Variants in SCNN1B observed in about 807,000 individuals in gnomAD.
The protein encoded by SCNN1B is sodium channel epithelial 1 subunit beta, also known as epithelial sodium channel subunit beta.
A neutral mutation model predicts 65.3 loss-of-function variants in SCNN1B; 46 were observed. The observed-to-expected ratio is 0.70, with a 90% CI of 0.56 to 0.90. SCNN1B has a LOEUF of 0.90. Ranked by LOEUF, SCNN1B falls within the 40% of genes least tolerant of loss-of-function variation. The pLI is 0.00. For synonymous variants in SCNN1B, 349 were observed against 330.6 expected (o/e 1.06, Z -0.60); for missense variants, 751 against 830.5 (o/e 0.90, Z 1.18).
In SCNN1B at chr16:23,367,931, T is replaced by G. The variant is rs781412418; in HGVS notation, c.852T>G (p.Leu284=). Residue 284 remains leucine (L), a synonymous_variant, in exon 5 of 13, where the codon CTT becomes CTG. Transcript: ENST00000343070. ...ACTGGGGCATGACAGAGAAGGCACT[T>G]CCTTCGGCCAACCCTGGAACTGAAT... ...IFNWGMTEKA[L]PSANPGTEFG... is the part of the protein sequence containing the mutation. The G allele has an allele frequency of 2.5e-6, 4 of 1,614,166 alleles. No individual in the cohort carries two copies. The highest frequency in any genetic ancestry group is 3.4e-6 in the Non-Finnish European group (4 of 1,179,964).
chr16:23,329,796 C>T (rs1353695359), intron 1 of SCNN1B, among the ~76,000 whole-genome samples: 2 of 152,092 alleles, frequency 1.3e-5, no homozygotes, highest in African/African-American at 4.8e-5. Context: ...TCTAACCAGG[C>T]GATAGAAGGC....
At chr16:23,305,577 T>TTTA (rs1961196677) in intron 1 of SCNN1B, among the ~76,000 whole-genome samples, 3 of 23,670 alleles carry the variant, frequency 1.3e-4, no homozygotes, top group Non-Finnish European at 6.8e-5. Context: ...TATATATATA[T>TTTA]TATATATATA....
intron 1 of SCNN1B, among the ~76,000 whole-genome samples, chr16:23,323,201 T>TA (rs889813713): frequency 0.026 from 3,538 of 134,128 alleles, 80 homozygotes; most frequent in African/African-American, 0.068. Context: ...TCCATCTCAA[T>TA]AAAAAAAAAA....
intron 2 of SCNN1B, among the ~76,000 whole-genome samples, chr16:23,295,460 CCATAT>C (rs1389647867): frequency 9.2e-5 from 14 of 152,212 alleles, no homozygotes; most frequent in African/African-American, 3.4e-4. Flanking sequence ...AGCAATCCTC[CCATAT>C]CAGCCTCCCA....
chr16:23,298,799 T>A (rs977760492), upstream of SCNN1B, among the ~76,000 whole-genome samples: 1 of 152,192 alleles, frequency 6.6e-6, no homozygotes, highest in African/African-American at 2.4e-5. Flanking sequence ...TAAACATTCA[T>A]GCCTTAAAAC....
intron 1 of SCNN1B, among the ~76,000 whole-genome samples, chr16:23,282,733 G>A (rs1418020916): frequency 2.0e-5 from 3 of 152,148 alleles, no homozygotes; most frequent in Admixed American, 1.3e-4. Flanking sequence ...CCCTTCCATG[G>A]CAACAACCTG....
intron 1 of SCNN1B, among the ~76,000 whole-genome samples, chr16:23,347,647 C>T (rs1022427937): frequency 6.6e-6 from 1 of 152,168 alleles, no homozygotes; most frequent in African/African-American, 2.4e-5. Context: ...GTGGTTCATG[C>T]CTGTAATGCC....
At chr16:23,308,840 C>T (rs970346269) in intron 1 of SCNN1B, among the ~76,000 whole-genome samples, 1 of 152,128 alleles carries the variant, frequency 6.6e-6, no homozygotes, top group Admixed American at 6.6e-5. Flanking sequence ...ACCACGTTGG[C>T]CAGGTGGCTG....
rs11455298 is a variant in SCNN1B, at chr16:23,337,374, C to CTTTT, written c.-8-11205_-8-11202dup. ...TGGCCAGGTTTCTTTCTCTTTCTTT[C>CTTTT]TTTTTTTTTTTTTTTTGAGATGGAG... On this transcript the variant is annotated intron_variant, in intron 1 of 12. Coordinates refer to ENST00000343070, the MANE Select transcript of SCNN1B (RefSeq NM_000336.3). Among the ~76,000 whole-genome samples, 13 of 134,096 alleles carry CTTTT rather than the reference C, an allele frequency of 9.7e-5. 1 individual carries two copies. In the South Asian group the frequency reaches 2.5e-3, roughly 25 times the overall value. The allele number at this position is 134,096 out of a possible 152,430, so 88.0% of individuals were successfully genotyped here.
chr16:23,291,334 A>T (rs541965266), intron 2 of SCNN1B, among the ~76,000 whole-genome samples: 1 of 151,990 alleles, frequency 6.6e-6, no homozygotes, highest in Non-Finnish European at 1.5e-5. Flanking sequence ...AAGTGCTGAG[A>T]TTATAGGCAT....
At chr16:23,305,572 ATATATTAT>A (rs1961194310) in intron 1 of SCNN1B, among the ~76,000 whole-genome samples, 1 of 31,412 alleles carries the variant, frequency 3.2e-5, no homozygotes, top group Non-Finnish European at 5.2e-5. Flanking sequence ...ATATATATAT[ATATATTAT>A]ATATATATAT....
rs149667567 is a variant in SCNN1B, at chr16:23,371,321, A to G, written c.903A>G (p.Ile301Met). Residue 301 changes from isoleucine (I) to methionine (M), a missense_variant, in exon 6 of 13, where the codon ATA (isoleucine) becomes ATG (methionine). By Grantham distance (10) the Ile-to-Met change is conservative. Transcript: ENST00000343070. ...CAGGCCTGAAGTTGATCCTGGACAT[A>G]GGCCAGGAAGACTACGTCCCCTTCC... The part of the protein sequence containing the change: ...TEFGLKLILD[I>M]GQEDYVPFLA... The G allele has an allele frequency of 3.0e-5, 48 of 1,613,948 alleles. No homozygotes were observed. The African/African-American group carries it at 5.7e-4, about 19-fold the overall frequency.
chr16:23,352,110 A>G (rs1227153316), intron 2 of SCNN1B, among the ~76,000 whole-genome samples: 1 of 152,214 alleles, frequency 6.6e-6, no homozygotes, highest in Non-Finnish European at 1.5e-5. Flanking sequence ...GAGCCATTAC[A>G]ATTCTTCCTC....
chr16:23,375,892 C>A, intron 8 of SCNN1B, 37 bp downstream of exon 8: 1 of 1,362,568 alleles, frequency 7.3e-7, no homozygotes, highest in Non-Finnish European at 1.1e-6. Flanking sequence ...CTCCAGCCAT[C>A]TGGGGCCACA....
chr16:23,343,277 A>AC (rs757959134), intron 1 of SCNN1B, among the ~76,000 whole-genome samples: 8 of 141,632 alleles, frequency 5.6e-5, no homozygotes, highest in Non-Finnish European at 1.1e-4. Context: ...ACATGGATAA[A>AC]CCCCGTCACT....
intron 3 of SCNN1B, among the ~76,000 whole-genome samples, chr16:23,354,948 C>T (rs575678637): frequency 7.3e-4 from 111 of 152,252 alleles, no homozygotes; most frequent in African/African-American, 2.6e-3. Context: ...AGTCACCCTC[C>T]CTTGAACGAG....
chr16:23,345,083 G>C (rs1346045699), intron 1 of SCNN1B, among the ~76,000 whole-genome samples: 2 of 152,202 alleles, frequency 1.3e-5, no homozygotes, highest in African/African-American at 4.8e-5. Context: ...CTCCTTCTGG[G>C]GAAGGAAGGT....
chr16:23,295,838 C>A (rs1286954723), intron 2 of SCNN1B, among the ~76,000 whole-genome samples: 1 of 152,182 alleles, frequency 6.6e-6, no homozygotes, highest in Non-Finnish European at 1.5e-5. Flanking sequence ...CAGCTGAAAA[C>A]CTGCATGGCA....
chr16:23,323,719 T>C, intron 1 of SCNN1B: 1 of 645,150 alleles, frequency 1.6e-6, no homozygotes, highest in South Asian at 1.8e-5. Context: ...TTGCAAGGTG[T>C]CTTAGAAGCC....
Sources: allele counts gnomAD v4.1 joint callset (sites outside exome capture counted in the v4.1 genomes callset), GRCh38; gene constraint gnomAD v4.1.1; transcripts MANE v1.5; gene names NCBI Gene and HGNC (gene_info 2026-07-23, HGNC 2026-07-21).